DTNA: variants seen among roughly 807,000 people sequenced by gnomAD.
DTNA encodes dystrobrevin alpha, also known as dystrophin-related protein 3.
DTNA carries 43 observed loss-of-function variants against 100.7 expected under a neutral mutation model. That is an observed-to-expected ratio of 0.43 (90% CI 0.33 to 0.55). The LOEUF (loss-of-function observed/expected upper bound fraction) is 0.55. Among genes scored for constraint, DTNA ranks in the 20% least tolerant of loss-of-function variants. The pLI, the probability that DTNA is intolerant of heterozygous loss-of-function variation, is 0.04. For synonymous variants in DTNA, 349 were observed against 347.9 expected (o/e 1.00, Z -0.04); for missense variants, 798 against 953.9 (o/e 0.84, Z 2.15).
At chr18:34,669,355 A>G (rs544277842) in intron 1 of DTNA, among the ~76,000 whole-genome samples, 3 of 152,132 alleles carry the variant, frequency 2.0e-5, no homozygotes, top group African/African-American at 7.2e-5. Flanking sequence ...AATACAGTAC[A>G]CTGGTGGGTC....
chr18:34,827,224 A>G (rs1292182197), intron 9 of DTNA, among the ~76,000 whole-genome samples: 1 of 152,224 alleles, frequency 6.6e-6, no homozygotes. Flanking sequence ...AAGAGAATAT[A>G]GATTCAATGA....
At chr18:34,881,364 G>T (rs1367474211) in intron 20 of DTNA, among the ~76,000 whole-genome samples, 2 of 149,608 alleles carry the variant, frequency 1.3e-5, no homozygotes, top group Non-Finnish European at 3.0e-5. Context: ...AATAGATGGA[G>T]ACAGAGTCCC....
chr18:34,611,346 T>A (rs1409730334), intron 1 of DTNA, among the ~76,000 whole-genome samples: 1 of 152,202 alleles, frequency 6.6e-6, no homozygotes, highest in Non-Finnish European at 1.5e-5. Flanking sequence ...TTCATTCACC[T>A]GTAATGAAAA....
At chr18:34,838,955 T>C in intron 13 of DTNA, 118 bp downstream of exon 13, 1 of 812,400 alleles carries the variant, frequency 1.2e-6, no homozygotes, top group South Asian at 1.4e-5. Context: ...TGAAGCACTG[T>C]TAACTGGTTC....
chr18:34,719,738 G>A (rs2146897497), intron 1 of DTNA, among the ~76,000 whole-genome samples: 1 of 152,272 alleles, frequency 6.6e-6, no homozygotes, highest in East Asian at 1.9e-4. Context: ...TTTTAGGGCA[G>A]CTCTGGATTT....
chr18:34,808,494 T>G (rs773641842), intron 5 of DTNA, among the ~76,000 whole-genome samples: 17 of 152,328 alleles, frequency 1.1e-4, no homozygotes, highest in Non-Finnish European at 1.8e-4. Context: ...CCTCCTGTGC[T>G]CAGAAGGGCC....
intron 1 of DTNA, among the ~76,000 whole-genome samples, chr18:34,554,858 C>T (rs1426493272): frequency 5.4e-5 from 8 of 149,488 alleles, no homozygotes; most frequent in South Asian, 2.1e-4. Flanking sequence ...TGTCTCTGCC[C>T]GGCTTTGGTA....
intron 1 of DTNA, among the ~76,000 whole-genome samples, chr18:34,748,893 C>T (rs1448857071): frequency 6.6e-6 from 1 of 152,044 alleles, no homozygotes; most frequent in Non-Finnish European, 1.5e-5. Context: ...TTTCTTTGGG[C>T]ACAATGGTCA....
intron 1 of DTNA, among the ~76,000 whole-genome samples, chr18:34,713,536 C>G (rs529288958): frequency 6.6e-6 from 1 of 151,654 alleles, no homozygotes; most frequent in African/African-American, 2.4e-5. Context: ...GTTACTGTAG[C>G]CTTGTAGTAT....
chr18:34,521,868 T>C (rs748242241), intron 1 of DTNA, among the ~76,000 whole-genome samples: 1 of 152,176 alleles, frequency 6.6e-6, no homozygotes, highest in Non-Finnish European at 1.5e-5. Flanking sequence ...CACTGAAGCA[T>C]ACATATATTG....
At chr18:34,801,150 A>G (rs1411764291) in intron 4 of DTNA, among the ~76,000 whole-genome samples, 1 of 152,230 alleles carries the variant, frequency 6.6e-6, no homozygotes, top group African/African-American at 2.4e-5. Flanking sequence ...AGAGTGAGAA[A>G]ACAAAATGTA....
At chr18:34,525,405 G>C (rs1168454215) in intron 1 of DTNA, among the ~76,000 whole-genome samples, 4 of 152,068 alleles carry the variant, frequency 2.6e-5, no homozygotes, top group African/African-American at 4.8e-5. Context: ...CTTTCCTCCA[G>C]CTTTAATTCT....
chr18:34,503,631 T>G (rs2040181766), intron 1 of DTNA, among the ~76,000 whole-genome samples: 6 of 152,188 alleles, frequency 3.9e-5, no homozygotes, highest in Admixed American at 3.9e-4. Context: ...TGTCTTTTAA[T>G]TGGTATATTT....
chr18:34,600,444 G>A (rs1344614202), intron 1 of DTNA, among the ~76,000 whole-genome samples: 1 of 152,034 alleles, frequency 6.6e-6, no homozygotes, highest in Non-Finnish European at 1.5e-5. Context: ...TTCCTATATA[G>A]TGTGATAGTT....
chr18:34,661,253 G>T (rs1442072074), intron 1 of DTNA, among the ~76,000 whole-genome samples: 2 of 152,056 alleles, frequency 1.3e-5, no homozygotes, highest in African/African-American at 2.4e-5. Flanking sequence ...CTTAAAACAG[G>T]GATCAAATTA....
At position 34,875,277 on chromosome 18, in the gene DTNA, C is replaced by T; in HGVS notation, c.1782C>T (p.His594=). The T allele has an allele frequency of 2.5e-6, 4 of 1,614,224 alleles. No individual in the cohort carries two copies. The highest frequency in any genetic ancestry group is 3.4e-6 in the Non-Finnish European group (4 of 1,180,036). ...GAGSPRSSPS[H]TISRPIPMPI... ...GCTCTCCCCGCTCCTCCCCCAGCCA[C>T]ACCATCAGCAGGCCAATTCCCATGC... Residue 594 remains histidine (H), a synonymous_variant, in exon 18 of 23, where the codon CAC becomes CAT. Transcript: ENST00000444659.
intron 1 of DTNA, among the ~76,000 whole-genome samples, chr18:34,669,386 C>T (rs1431655189): frequency 6.6e-6 from 1 of 152,136 alleles, no homozygotes; most frequent in East Asian, 1.9e-4. Context: ...ATCCAATTTG[C>T]CAGTCTGTGT....
At chr18:34,713,659 A>G (rs946100105) in intron 1 of DTNA, among the ~76,000 whole-genome samples, 2 of 151,736 alleles carry the variant, frequency 1.3e-5, no homozygotes, top group South Asian at 2.1e-4. Flanking sequence ...GTTTTTTCCA[A>G]TTCTGTGAAG....
chr18:34,554,136 A>T (rs1214779901), intron 1 of DTNA, among the ~76,000 whole-genome samples: 1 of 129,020 alleles, frequency 7.8e-6, no homozygotes, highest in Non-Finnish European at 1.6e-5. Flanking sequence ...TTCTCTTTGA[A>T]GCAATTGTGA....
Sources: allele counts gnomAD v4.1 joint callset (sites outside exome capture counted in the v4.1 genomes callset), GRCh38; gene constraint gnomAD v4.1.1; transcripts MANE v1.5; gene names NCBI Gene and HGNC (gene_info 2026-07-23, HGNC 2026-07-21).